Variants in THSD7A observed in about 807,000 individuals in gnomAD.
THSD7A encodes thrombospondin type 1 domain containing 7A.
THSD7A carries 96 observed loss-of-function variants against 231.3 expected under a neutral mutation model. The observed-to-expected ratio is 0.41, with a 90% CI of 0.35 to 0.49. The LOEUF (loss-of-function observed/expected upper bound fraction) is 0.49, where lower values mean the gene tolerates loss of function less well. THSD7A is among the 20% of genes least tolerant of loss of function. The probability of loss-of-function intolerance (pLI) is 0.05; values close to 1 mark genes in which losing one functional copy is unlikely to be tolerated. For synonymous variants in THSD7A, 940 were observed against 743.3 expected (o/e 1.26, Z -4.30); for missense variants, 2,290 against 2,070.2 (o/e 1.11, Z -2.06).
chr7:11,829,605 T>C (rs909851921), intron 1 of THSD7A, among the ~76,000 whole-genome samples: 1 of 152,152 alleles, frequency 6.6e-6, no homozygotes, highest in Non-Finnish European at 1.5e-5. Flanking sequence ...GGAACAGATA[T>C]TTTGGAGTAT....
chr7:11,717,508 G>C (rs1489353119), intron 1 of THSD7A, among the ~76,000 whole-genome samples: 1 of 151,608 alleles, frequency 6.6e-6, no homozygotes, highest in Non-Finnish European at 1.5e-5. Flanking sequence ...GACAAGGAGT[G>C]GCACAGTGCC....
At chr7:11,795,851 A>C (rs1244086343) in intron 1 of THSD7A, among the ~76,000 whole-genome samples, 1 of 151,668 alleles carries the variant, frequency 6.6e-6, no homozygotes, top group Non-Finnish European at 1.5e-5. Context: ...CCAAGCGAGG[A>C]GTCAGCAAAC....
At chr7:11,714,966 C>G (rs1335789197) in intron 1 of THSD7A, among the ~76,000 whole-genome samples, 1 of 151,360 alleles carries the variant, frequency 6.6e-6, no homozygotes, top group Non-Finnish European at 1.5e-5. Flanking sequence ...TTTATTTTCT[C>G]TCACACTGGG....
intron 6 of THSD7A, among the ~76,000 whole-genome samples, chr7:11,535,178 A>G (rs1043099595): frequency 6.6e-6 from 1 of 152,212 alleles, no homozygotes; most frequent in African/African-American, 2.4e-5. Context: ...ACTTTAAAAA[A>G]TAAAATACAT....
intron 7 of THSD7A, among the ~76,000 whole-genome samples, chr7:11,475,589 GTATATAACATA>G (rs967798354): frequency 6.3e-5 from 9 of 143,946 alleles, no homozygotes; most frequent in African/African-American, 9.9e-5. Context: ...TAACATATAT[GTATATAACATA>G]TATATAACAT....
intron 6 of THSD7A, among the ~76,000 whole-genome samples, chr7:11,529,547 T>C (rs1010276515): frequency 6.6e-6 from 1 of 151,922 alleles, no homozygotes; most frequent in African/African-American, 2.4e-5. Flanking sequence ...CTTGTGATAG[T>C]GAGGGAGTTT....
chr7:11,792,186 C>T (rs1049457542), intron 1 of THSD7A, among the ~76,000 whole-genome samples: 3 of 151,912 alleles, frequency 2.0e-5, no homozygotes, highest in Admixed American at 6.6e-5. Flanking sequence ...ATCATTATTG[C>T]ATTACTGAGG....
chr7:11,413,816 C>A (rs1226128731), intron 17 of THSD7A: 1 of 152,350 alleles, frequency 6.6e-6, no homozygotes, highest in African/African-American at 2.4e-5. Flanking sequence ...ACACCCAGGG[C>A]TCTACCTGGA....
intron 6 of THSD7A, among the ~76,000 whole-genome samples, chr7:11,518,623 A>ACACACACACG (rs1554329539): frequency 5.5e-5 from 8 of 146,186 alleles, no homozygotes; most frequent in African/African-American, 7.5e-5. Context: ...ACACACACGC[A>ACACACACACG]CACACAGGCA....
At chr7:11,702,232 C>G (rs1780627064) in intron 1 of THSD7A, among the ~76,000 whole-genome samples, 2 of 151,212 alleles carry the variant, frequency 1.3e-5, no homozygotes, top group African/African-American at 4.8e-5. Flanking sequence ...GCTGGGTTCT[C>G]TCTGCTCAGG....
At chr7:11,820,984 G>T in intron 1 of THSD7A, 1 of 1,034,038 alleles carries the variant, frequency 9.7e-7, no homozygotes, top group South Asian at 1.5e-5. Flanking sequence ...AGATCAACAG[G>T]ATCATCTCTG....
chr7:11,507,307 A>C (rs942131565), intron 6 of THSD7A, among the ~76,000 whole-genome samples: 1 of 152,164 alleles, frequency 6.6e-6, no homozygotes, highest in African/African-American at 2.4e-5. Flanking sequence ...ATAAAGCCTT[A>C]TATTATGTAG....
chr7:11,626,140 T>C (rs1394186958), intron 2 of THSD7A, among the ~76,000 whole-genome samples: 1 of 152,142 alleles, frequency 6.6e-6, no homozygotes, highest in Admixed American at 6.6e-5. Context: ...AGGTTTAAAA[T>C]ACTACCTAGG....
chr7:11,494,907 A>AAAATATATTAATT (rs1414941431), intron 6 of THSD7A, among the ~76,000 whole-genome samples: 2 of 152,130 alleles, frequency 1.3e-5, no homozygotes, highest in African/African-American at 4.8e-5. Context: ...ATCTATGCTT[A>AAAATATATTAATT]AAATATATTA....
chr7:11,666,815 G>A (rs1783154430), intron 1 of THSD7A, among the ~76,000 whole-genome samples: 1 of 151,718 alleles, frequency 6.6e-6, no homozygotes, highest in Non-Finnish European at 1.5e-5. Flanking sequence ...TTTTAGAGCA[G>A]TAATCAGATC....
In THSD7A at chr7:11,406,309, G is replaced by A. The variant is rs980160026; in HGVS notation, c.4228C>T (p.Pro1410Ser). The A allele has an allele frequency of 3.7e-6, 6 of 1,608,128 alleles. No homozygotes were observed. In the African/African-American group the frequency reaches 8.0e-5, roughly 22 times the overall value. The change falls in exon 22 of 28, where the codon CCT becomes TCT. Residue 1410 changes from proline to serine, a missense_variant. Transcript: ENST00000423059. The surrounding 1 kb of genome is among the most constrained non-coding windows in gnomAD (Gnocchi z 4.7). The stretch of plus-strand genomic sequence containing the variant: ...CCTTTGCCGTTGTTACCTGGGCAAG[G>A]CTGGCTGCAGGATTCCTCCAGAACC... ...NMVLEESCSQ[P>S]CPGDCYLKDW...
Position 11,714,279 on chromosome 7 carries a change from A to T in THSD7A, c.191-77318T>A, listed in dbSNP as rs1008074750. Among the ~76,000 whole-genome samples, 48 of 151,362 alleles carry T rather than the reference A, an allele frequency of 3.2e-4. 1 individual carries two copies. The highest frequency in any genetic ancestry group is 3.4e-3 in the Middle Eastern group (1 of 294). On this transcript the variant is annotated intron_variant, in intron 1 of 27. Transcript: ENST00000423059. ...CATAGTGAATTATATGTATTTTATC[A>T]ATCAGTCCTCACATTAACCCTATGA...
chr7:11,710,208 T>C (rs1385363026), intron 1 of THSD7A, among the ~76,000 whole-genome samples: 1 of 150,246 alleles, frequency 6.7e-6, no homozygotes, highest in Non-Finnish European at 1.5e-5. Flanking sequence ...CTGGTGCTTG[T>C]GGGCCAGGGA....
At chr7:11,399,632 A>C (rs1411066029) in intron 23 of THSD7A, among the ~76,000 whole-genome samples, 2 of 152,192 alleles carry the variant, frequency 1.3e-5, no homozygotes, top group African/African-American at 4.8e-5. Context: ...CACCAGTTAG[A>C]ATGGCGATCA....
Sources: allele counts gnomAD v4.1 joint callset (sites outside exome capture counted in the v4.1 genomes callset), GRCh38; gene constraint gnomAD v4.1.1; non-coding constraint Gnocchi (gnomAD v3.1); transcripts MANE v1.5; gene names NCBI Gene and HGNC (gene_info 2026-07-23, HGNC 2026-07-21).